The following IMMP2L variants were observed in gnomAD, a reference collection of about 807,000 sequenced individuals.
The protein encoded by IMMP2L is mitochondrial inner membrane protease subunit 2.
Under a neutral mutation model 19.3 loss-of-function variants are expected in IMMP2L, and 18 were observed. The ratio of observed to expected loss-of-function variants is 0.93; its 90% confidence interval spans 0.64 to 1.38. The LOEUF is 1.38. IMMP2L is among the 40% of genes most tolerant of loss of function. The pLI, the probability that IMMP2L is intolerant of heterozygous loss-of-function variation, is 0.00. For missense variants in IMMP2L, 233 were observed against 218.2 expected, an observed-to-expected ratio of 1.07 and a Z score of -0.43; for synonymous variants, 76 against 73.0, an observed-to-expected ratio of 1.04 and a Z score of -0.21.
chr7:110,749,678 T>C (rs925095724), intron 5 of IMMP2L, among the ~76,000 whole-genome samples: 3 of 151,966 alleles, frequency 2.0e-5, no homozygotes, highest in African/African-American at 7.2e-5. Flanking sequence ...TTCTCACTCA[T>C]AAGTGGGAGT....
intron 3 of IMMP2L, among the ~76,000 whole-genome samples, chr7:111,377,062 G>A (rs1015511701): frequency 6.6e-6 from 1 of 151,796 alleles, no homozygotes; most frequent in African/African-American, 2.4e-5. Flanking sequence ...TTAAATTTCA[G>A]TAAAGGTGTT....
intron 3 of IMMP2L, among the ~76,000 whole-genome samples, chr7:111,399,070 T>C (rs568099211): frequency 6.6e-6 from 1 of 152,070 alleles, no homozygotes; most frequent in East Asian, 1.9e-4. Flanking sequence ...AGTCTACAAA[T>C]TCAAAGCAAT....
intron 3 of IMMP2L, chr7:111,483,526 ATACT>A (rs988612249): frequency 7.9e-5 from 12 of 152,314 alleles, no homozygotes; most frequent in African/African-American, 2.9e-4. Flanking sequence ...ACTGAATAAC[ATACT>A]TAAACAATAA....
chr7:110,713,768 C>T (rs1370475850), intron 5 of IMMP2L, among the ~76,000 whole-genome samples: 1 of 151,456 alleles, frequency 6.6e-6, no homozygotes, highest in East Asian at 2.0e-4. Context: ...AGAAATGTTA[C>T]TGATTTTTGG....
intron 5 of IMMP2L, among the ~76,000 whole-genome samples, chr7:110,745,639 TC>T (rs1381529091): frequency 6.6e-6 from 1 of 152,148 alleles, no homozygotes; most frequent in Non-Finnish European, 1.5e-5. Flanking sequence ...GAATTTCATA[TC>T]CAGCCAAACT....
intron 3 of IMMP2L, among the ~76,000 whole-genome samples, chr7:111,427,042 A>C (rs1836148762): frequency 6.6e-6 from 1 of 150,988 alleles, no homozygotes; most frequent in Non-Finnish European, 1.5e-5. Context: ...ATGTCATGAT[A>C]ATTTTTCATT....
chr7:111,356,616 G>T (rs564292213), intron 3 of IMMP2L, among the ~76,000 whole-genome samples: 6 of 152,104 alleles, frequency 3.9e-5, no homozygotes, highest in African/African-American at 1.4e-4. Context: ...AGTTTTAGAA[G>T]AATTCTCATA....
At chr7:111,057,527 T>C (rs1274641504) in intron 3 of IMMP2L, among the ~76,000 whole-genome samples, 1 of 152,234 alleles carries the variant, frequency 6.6e-6, no homozygotes. Flanking sequence ...GGGCATTTAT[T>C]GTACAGAAGG....
chr7:111,031,515 T>TA (rs894894014), intron 3 of IMMP2L, among the ~76,000 whole-genome samples: 4 of 151,958 alleles, frequency 2.6e-5, no homozygotes, highest in Non-Finnish European at 5.9e-5. Context: ...ACCAAAATTT[T>TA]AAAAACATAT....
intron 4 of IMMP2L, among the ~76,000 whole-genome samples, chr7:110,953,916 C>T (rs1818100398): frequency 1.3e-5 from 2 of 152,046 alleles, no homozygotes; most frequent in Non-Finnish European, 1.5e-5. Context: ...CTCTGATGAC[C>T]AGTGATGATG....
At chr7:111,403,095 T>C (rs1833605390) in intron 3 of IMMP2L, among the ~76,000 whole-genome samples, 1 of 150,138 alleles carries the variant, frequency 6.7e-6, no homozygotes, top group African/African-American at 2.5e-5. Context: ...ATGGTTTGGC[T>C]CTGTGTCCCC....
intron 5 of IMMP2L, among the ~76,000 whole-genome samples, chr7:110,715,850 C>A (rs986759222): frequency 2.6e-5 from 4 of 152,014 alleles, no homozygotes; most frequent in African/African-American, 9.7e-5. Flanking sequence ...CTAATACTGT[C>A]AATGGGATGT....
At chr7:111,497,160 G>A (rs1033676344) in intron 2 of IMMP2L, among the ~76,000 whole-genome samples, 3 of 152,030 alleles carry the variant, frequency 2.0e-5, no homozygotes, top group Admixed American at 6.6e-5. Context: ...TCACAGGCAC[G>A]CTCACATACT....
At chr7:111,075,375 G>A (rs530917633) in intron 3 of IMMP2L, among the ~76,000 whole-genome samples, 11 of 152,084 alleles carry the variant, frequency 7.2e-5, no homozygotes, top group Middle Eastern at 3.4e-3. Flanking sequence ...TGATCCAACC[G>A]CCTTGGCCTC....
At chr7:111,498,649 C>CT (rs1843829975) in intron 2 of IMMP2L, among the ~76,000 whole-genome samples, 1 of 152,092 alleles carries the variant, frequency 6.6e-6, no homozygotes. Flanking sequence ...GGCCAAATTC[C>CT]CCAACATATA....
intron 3 of IMMP2L, among the ~76,000 whole-genome samples, chr7:110,979,450 T>C (rs1325326451): frequency 6.6e-6 from 1 of 152,088 alleles, no homozygotes; most frequent in Non-Finnish European, 1.5e-5. Context: ...TAATAGTCTA[T>C]CATTACTAGT....
At chr7:110,817,274 C>T (rs555771406) in intron 5 of IMMP2L, among the ~76,000 whole-genome samples, 1 of 152,056 alleles carries the variant, frequency 6.6e-6, no homozygotes, top group Non-Finnish European at 1.5e-5. Flanking sequence ...TCTCAGGATA[C>T]AAAATCAATG....
At chr7:111,383,797 C>T (rs1394505958) in intron 3 of IMMP2L, among the ~76,000 whole-genome samples, 1 of 152,036 alleles carries the variant, frequency 6.6e-6, no homozygotes, top group African/African-American at 2.4e-5. Flanking sequence ...TTTTCTCACT[C>T]TGCCCCTCCT....
intron 2 of IMMP2L, among the ~76,000 whole-genome samples, chr7:111,514,319 T>C (rs1267005210): frequency 6.6e-6 from 1 of 151,624 alleles, no homozygotes. Context: ...AACTGAACAA[T>C]GAGAACACTT....
Sources: allele counts gnomAD v4.1 joint callset (sites outside exome capture counted in the v4.1 genomes callset), GRCh38; gene constraint gnomAD v4.1.1; transcripts MANE v1.5; gene names NCBI Gene and HGNC (gene_info 2026-07-23, HGNC 2026-07-21).